The following HM13 variants were observed in gnomAD, a reference collection of about 807,000 sequenced individuals.
HM13 encodes histocompatibility minor 13.
A neutral mutation model predicts 50.0 loss-of-function variants in HM13; 18 were observed. The observed-to-expected ratio is 0.36, with a 90% CI of 0.25 to 0.53. The LOEUF (loss-of-function observed/expected upper bound fraction) is 0.53, where lower values mean the gene tolerates loss of function less well. Among genes scored for constraint, HM13 ranks in the 20% least tolerant of loss-of-function variants. The pLI, the probability that HM13 is intolerant of heterozygous loss-of-function variation, is 0.90. For synonymous variants in HM13, 197 were observed against 232.6 expected (o/e 0.85, Z 1.39); for missense variants, 393 against 552.4 (o/e 0.71, Z 2.89).
chr20:31,535,487 A>G (rs560699039), intron 2 of HM13: 1 of 152,354 alleles, frequency 6.6e-6, no homozygotes, highest in South Asian at 2.1e-4. Flanking sequence ...CTGGTGCCCA[A>G]TCCACATGGG....
At position 31,569,207 on chromosome 20, in the gene HM13, G is replaced by C; in HGVS notation, c.1269G>C (p.Lys423Asn). ...CATCAGCATCGAAGGGGCTGGAGAA[G>C]AAAGAGAAATGATGCAGCTGGTGCC... ...TEASASKGLE[K>N]KEK The change falls in exon 13 of 13, where the codon AAG (lysine) becomes AAC (asparagine). Residue 423 changes from lysine (K) to asparagine (N), a missense_variant. Transcript: ENST00000398174. 6.3e-7 allele frequency: 1 copy of C among 1,592,028 alleles called. No individual in the cohort carries two copies. Among genetic ancestry groups the C allele is most frequent in the South Asian group, 1.1e-5 (1 of 88,652 alleles).
intron 2 of HM13, among the ~76,000 whole-genome samples, chr20:31,535,887 A>T (rs1270729686): frequency 1.3e-5 from 2 of 152,224 alleles, no homozygotes. Context: ...CCATAGCACC[A>T]GGAAAGCATG....
chr20:31,553,179 T>C (rs1358606473), intron 7 of HM13, among the ~76,000 whole-genome samples: 5 of 131,348 alleles, frequency 3.8e-5, no homozygotes, highest in Non-Finnish European at 6.1e-5. Flanking sequence ...GCCTGTAATT[T>C]CAGCTACTCA....
chr20:31,553,448 G>A (rs1032361612), intron 7 of HM13, among the ~76,000 whole-genome samples: 1 of 152,154 alleles, frequency 6.6e-6, no homozygotes, highest in South Asian at 2.1e-4. Flanking sequence ...GATTAGTAAA[G>A]AAGGCATGAG....
intron 1 of HM13, among the ~76,000 whole-genome samples, chr20:31,517,358 T>A (rs1344950225): frequency 6.6e-6 from 1 of 152,148 alleles, no homozygotes; most frequent in African/African-American, 2.4e-5. Context: ...GTCAGAGTCC[T>A]ATATCCCAGA....
intron 10 of HM13, 114 bp downstream of exon 10, chr20:31,561,850 T>C: frequency 1.3e-6 from 1 of 742,258 alleles, no homozygotes; most frequent in Non-Finnish European, 2.4e-6. Flanking sequence ...CCACTGGTGT[T>C]GGAGCAGTCA....
At chr20:31,565,165 CAA>C (rs983329719) in intron 10 of HM13, among the ~76,000 whole-genome samples, 43 of 77,928 alleles carry the variant, frequency 5.5e-4, no homozygotes, top group Admixed American at 1.1e-3. Flanking sequence ...GACTCCATCT[CAA>C]AAAAAAAAAA....
At position 31,554,729 on chromosome 20, in the gene HM13, C is replaced by T. The variant is rs34318308; in HGVS notation, c.725-17C>T. 3 of 1,610,374 alleles carry T rather than the reference C, an allele frequency of 1.9e-6. No homozygotes were observed. The highest frequency in any genetic ancestry group is 4.5e-5 in the East Asian group (2 of 44,864). ...TGGGCTCCAGCTGACTCCTCACATT[C>T]CCGCCTCCCGCTTCAGTGGTGTTTC... On this transcript the variant is annotated splice_polypyrimidine_tract_variant and intron_variant, in intron 7 of 12. Coordinates refer to ENST00000398174, the MANE Select transcript of HM13 (RefSeq NM_178581.3).
At chr20:31,557,440 G>C (rs570705405) in intron 8 of HM13, among the ~76,000 whole-genome samples, 125 of 152,292 alleles carry the variant, frequency 8.2e-4, no homozygotes, top group African/African-American at 2.8e-3. Flanking sequence ...AATGTAAGTT[G>C]ATCACAGTGG....
rs1368871748 is a variant in HM13 at position 31,569,393 on chromosome 20, G to T, written c.*174G>T. The T allele has an allele frequency of 2.0e-6, 1 of 505,968 alleles. No homozygotes were observed. The highest frequency in any genetic ancestry group is 3.0e-5 in the East Asian group (1 of 33,016). The allele number at this position is 505,968 out of a possible 1,614,324, so 31.3% of individuals were successfully genotyped here. On this transcript the variant is annotated 3_prime_UTR_variant, in exon 13 of 13. Coordinates refer to ENST00000398174, the MANE Select transcript of HM13 (RefSeq NM_178581.3). ...GCCTCTGTTTCCTTCTCCCTTTCTT[G>T]GCCCTCCTCTGCTCCTCCCCACACC...
At chr20:31,536,132 G>A (rs1245613631) in intron 2 of HM13, among the ~76,000 whole-genome samples, 2 of 152,188 alleles carry the variant, frequency 1.3e-5, no homozygotes, top group Non-Finnish European at 2.9e-5. Context: ...GGGAGGCCGA[G>A]GCAGTTGGAT....
intron 10 of HM13, among the ~76,000 whole-genome samples, chr20:31,564,246 T>A (rs949032462): frequency 1.3e-4 from 20 of 151,966 alleles, no homozygotes; most frequent in Non-Finnish European, 2.4e-4. Context: ...GGGCCCGCCC[T>A]CACTGAACTC....
At chr20:31,533,227 G>A (rs929754824) in intron 2 of HM13, among the ~76,000 whole-genome samples, 1 of 152,244 alleles carries the variant, frequency 6.6e-6, no homozygotes. Context: ...TCAGGGCTGA[G>A]TGTAGTGGCT....
chr20:31,515,151 T>G (rs1023142578), intron 1 of HM13, among the ~76,000 whole-genome samples: 33 of 152,120 alleles, frequency 2.2e-4, no homozygotes, highest in African/African-American at 8.0e-4. Context: ...ATGGTACAAT[T>G]TCGTGTCATT....
At chr20:31,517,664 A>G (rs1025153779) in intron 1 of HM13, among the ~76,000 whole-genome samples, 2 of 152,164 alleles carry the variant, frequency 1.3e-5, no homozygotes, top group East Asian at 1.9e-4. Flanking sequence ...GGGGACCACA[A>G]GATGTGTTCA....
chr20:31,515,330 C>T (rs1369513487), intron 1 of HM13, among the ~76,000 whole-genome samples: 1 of 152,186 alleles, frequency 6.6e-6, no homozygotes, highest in East Asian at 1.9e-4. Context: ...CTCTTAGAGC[C>T]CAGTTTTTCA....
At chr20:31,534,312 T>C (rs981439429) in intron 2 of HM13, among the ~76,000 whole-genome samples, 2 of 152,046 alleles carry the variant, frequency 1.3e-5, no homozygotes, top group South Asian at 2.1e-4. Context: ...GGGGGCCATA[T>C]GGGAGGAGCT....
intron 1 of HM13, among the ~76,000 whole-genome samples, chr20:31,524,710 CTTTTTTTTTT>C (rs1156549702): frequency 1.8e-5 from 2 of 110,762 alleles, no homozygotes; most frequent in Admixed American, 9.3e-5. Context: ...TGTTGTGTGG[CTTTTTTTTTT>C]TTTTTTTTTT....
chr20:31,558,528 G>A lies in HM13; in HGVS notation c.809-1083G>A, dbSNP rs563456718. ...ACATCTCCTGAGCACTCTTTCTCCA[G>A]GACCTTTGCACATGCTGTTCTCTCC... On this transcript the variant is annotated intron_variant, in intron 8 of 12. Transcript: ENST00000398174. Among the ~76,000 whole-genome samples, 4 of 146,886 alleles carry A rather than the reference G, an allele frequency of 2.7e-5. No homozygotes were observed. In the East Asian group the frequency reaches 7.7e-4, roughly 28 times the overall value.
Sources: gnomAD v4.1 joint callset for allele counts (sites outside exome capture counted in the v4.1 genomes callset) on GRCh38, gnomAD v4.1.1 for gene constraint, MANE v1.5 for transcripts, NCBI Gene and HGNC (gene_info 2026-07-23, HGNC 2026-07-21) for gene names.